RHNO1: variants seen among roughly 807,000 people sequenced by gnomAD.
RHNO1 encodes RAD9, HUS1, RAD1-interacting nuclear orphan protein 1.
Under a neutral mutation model 7.2 loss-of-function variants are expected in RHNO1, and 9 were observed. The observed-to-expected ratio is 1.25, with a 90% CI of 0.75 to 2.18. RHNO1 has a LOEUF of 2.18. Ranked by LOEUF, RHNO1 falls within the 30% of genes most tolerant of loss-of-function variation. The pLI is 0.00. For missense variants in RHNO1, 292 were observed against 284.5 expected (o/e 1.03, Z -0.19); for synonymous variants, 95 against 107.5 (o/e 0.88, Z 0.72).
chr12:2,885,310 C>T lies in RHNO1; in HGVS notation c.-57C>T. The T allele has an allele frequency of 7.9e-6, 12 of 1,513,310 alleles. 1 individual carries two copies. In the South Asian group the frequency reaches 1.0e-4, roughly 13 times the overall value. 93.7% of individuals were successfully genotyped at this position (1,513,310 alleles called of 1,614,324 possible). A position where few individuals can be genotyped will look rare whatever the true frequency, so the allele number is the denominator to read the frequency against. ...ATGGGTTGGAATTGGAGCCTATCCCCCAACCCGAAGGCTAACAGCATCATG... is the reference window on the plus strand; with the variant it reads ...ATGGGTTGGAATTGGAGCCTATCCCTCAACCCGAAGGCTAACAGCATCATG... On this transcript the variant is annotated 5_prime_UTR_variant, in exon 2 of 3. Transcript: ENST00000489288.
At chr12:2,885,215 C>A (rs1376976521) in intron 1 of RHNO1, 68 bp from the exon 2 acceptor site, 2 of 695,650 alleles carry the variant, frequency 2.9e-6, no homozygotes, top group Non-Finnish European at 4.8e-6. Context: ...AATTGGCTGG[C>A]AGAGGATCAG....
chr12:2,882,943 T>C (rs2098159910), intron 1 of RHNO1, among the ~76,000 whole-genome samples: 1 of 151,798 alleles, frequency 6.6e-6, no homozygotes, highest in South Asian at 2.1e-4. Context: ...TGTGCTTGCT[T>C]GTAGTTCCAG....
intron 1 of RHNO1, among the ~76,000 whole-genome samples, chr12:2,882,809 C>T (rs2098159751): frequency 6.6e-6 from 1 of 151,962 alleles, no homozygotes; most frequent in African/African-American, 2.4e-5. Flanking sequence ...GCTAGTAATC[C>T]CAGTATTTTG....
chr12:2,886,868 G>C (rs1021180663), intron 2 of RHNO1: 10 of 436,032 alleles, frequency 2.3e-5, no homozygotes, highest in African/African-American at 6.0e-5. Context: ...GTGGATGAGA[G>C]TAGGAATGAA....
rs2098168108 is a variant in RHNO1 at position 2,888,316 on chromosome 12, C to G, written c.574C>G (p.Pro192Ala). 6.2e-7 allele frequency: 1 copy of G among 1,614,082 alleles called. No individual in the cohort carries two copies. Among genetic ancestry groups the G allele is most frequent in the South Asian group, 1.1e-5 (1 of 91,078 alleles). The change falls in exon 3 of 3, where the codon CCA becomes GCA. Residue 192 changes from proline to alanine, a missense_variant. Coordinates refer to ENST00000489288, the MANE Select transcript of RHNO1 (RefSeq NM_001252499.3). ...TCTTCACACTGGCACTCCTAATAGC[C>G]CAGAGCCTGGACCTGTTCTGGTTAA... Reference protein sequence around the residue: ...CTLHTGTPNSPEPGPVLVKDT... With the variant: ...CTLHTGTPNSAEPGPVLVKDT...
Position 2,887,458 on chromosome 12 carries a change from C to T in RHNO1, c.169-453C>T, listed in dbSNP as rs941794611. On this transcript the variant is annotated intron_variant, in intron 2 of 2. Transcript: ENST00000489288. ...TGCCATTGCACTCCAGCCTGGGCGA[C>T]AAGAGCAAAACTCTGTCTCCAAAAA... Among the ~76,000 whole-genome samples the T allele has an allele frequency of 7.5e-5, 8 of 106,672 alleles. No homozygotes were observed. The Admixed American group carries it at 1.0e-3, about 14-fold the overall frequency. 70.0% of individuals were successfully genotyped at this position (106,672 alleles called of 152,430 possible). A position where few individuals can be genotyped will look rare whatever the true frequency, so the allele number is the denominator to read the frequency against.
At chr12:2,879,186 TAG>T (rs2098154092) in intron 1 of RHNO1, among the ~76,000 whole-genome samples, 1 of 151,604 alleles carries the variant, frequency 6.6e-6, no homozygotes, top group Non-Finnish European at 1.5e-5. Flanking sequence ...GTATCTTTTG[TAG>T]AGACAGGGTC....
At position 2,888,663 on chromosome 12, in the gene RHNO1, G is replaced by A. The variant is rs1046917591; in HGVS notation, c.*204G>A. 7.2e-6 allele frequency: 3 copies of A among 419,380 alleles called. No individual in the cohort carries two copies. Among genetic ancestry groups the A allele is most frequent in the African/African-American group, 6.0e-5 (3 of 49,860 alleles). 26.0% of individuals were successfully genotyped at this position (419,380 alleles called of 1,614,324 possible). ...CTGCCTCAGCCTCCCCAGTAGCTGG[G>A]ATTACAGGCACCAGCCACCATGCCT... On this transcript the variant is annotated 3_prime_UTR_variant, in exon 3 of 3. Transcript: ENST00000489288.
intron 1 of RHNO1, among the ~76,000 whole-genome samples, chr12:2,881,394 C>T (rs1021738044): frequency 6.6e-6 from 1 of 151,936 alleles, no homozygotes; most frequent in Non-Finnish European, 1.5e-5. Context: ...TGAGCCACTG[C>T]GCCCGGCCTC....
chr12:2,887,132 C>G (rs928157241), intron 2 of RHNO1: 4 of 376,124 alleles, frequency 1.1e-5, no homozygotes, highest in Non-Finnish European at 1.7e-5. Flanking sequence ...CACTTGAGGT[C>G]AGGAGTTTGA....
intron 1 of RHNO1, among the ~76,000 whole-genome samples, chr12:2,880,598 A>G (rs1283520151): frequency 6.6e-6 from 1 of 152,086 alleles, no homozygotes; most frequent in African/African-American, 2.4e-5. Context: ...TGGGCAACAG[A>G]GTGAGACTTT....
chr12:2,885,826 C>T (rs1483345408), intron 2 of RHNO1: 9 of 205,202 alleles, frequency 4.4e-5, no homozygotes, highest in South Asian at 2.1e-4. Context: ...CCGCCCGCCT[C>T]GGCCTCCCAA....
intron 1 of RHNO1, among the ~76,000 whole-genome samples, chr12:2,879,091 C>T (rs2098153814): frequency 6.6e-6 from 1 of 151,942 alleles, no homozygotes; most frequent in South Asian, 2.1e-4. Context: ...CCTCAACCTC[C>T]TGGGCTCAGG....
At chr12:2,880,756 C>A (rs2098156536) in intron 1 of RHNO1, among the ~76,000 whole-genome samples, 1 of 152,020 alleles carries the variant, frequency 6.6e-6, no homozygotes, top group Non-Finnish European at 1.5e-5. Flanking sequence ...ACCTCAGCCT[C>A]CCAAGTAGCT....
At chr12:2,876,348 AT>A (rs2098143529), upstream of RHNO1, 1 of 151,870 alleles carries the variant, frequency 6.6e-6, no homozygotes. Flanking sequence ...TTTCCACAGG[AT>A]ATCTAAGTCT....
chr12:2,879,902 T>TA (rs2098155229), intron 1 of RHNO1, among the ~76,000 whole-genome samples: 1 of 152,080 alleles, frequency 6.6e-6, no homozygotes, highest in Admixed American at 6.6e-5. Flanking sequence ...TAGATGTTGA[T>TA]ACGCATAGGT....
At position 2,888,240 on chromosome 12, in the gene RHNO1, G is replaced by C; in HGVS notation, c.498G>C (p.Lys166Asn). Residue 166 changes from lysine to asparagine, a missense_variant, in exon 3 of 3, where the codon AAG becomes AAC. Lys to Asn is a moderately conservative substitution (Grantham distance 94, BLOSUM62 0). Transcript: ENST00000489288. ...DIQTPESSSV[K>N]EELIPQDQKE... ...AGACCCCAGAGTCATCGTCTGTGAA[G>C]GAAGAACTCATTCCCCAAGATCAGA... The C allele has an allele frequency of 8.1e-6, 13 of 1,614,090 alleles. No homozygotes were observed. Among genetic ancestry groups the C allele is most frequent in the Non-Finnish European group, 1.1e-5 (13 of 1,180,016 alleles).
At chr12:2,878,226 A>G (rs2098151275) in intron 1 of RHNO1, 2 of 152,236 alleles carry the variant, frequency 1.3e-5, no homozygotes, top group Non-Finnish European at 2.9e-5. Context: ...GAGGTTAATG[A>G]TACTTTGAGT....
intron 1 of RHNO1, chr12:2,878,145 C>G (rs1160498586): frequency 6.6e-6 from 1 of 152,270 alleles, no homozygotes; most frequent in East Asian, 1.9e-4. Context: ...GCACTCCAGC[C>G]TGGGCGACAG....
Sources: allele counts gnomAD v4.1 joint callset (sites outside exome capture counted in the v4.1 genomes callset), GRCh38; gene constraint gnomAD v4.1.1; transcripts MANE v1.5; gene names NCBI Gene and HGNC (gene_info 2026-07-23, HGNC 2026-07-21).